IFT88: variants seen among roughly 807,000 people sequenced by gnomAD.
IFT88 encodes intraflagellar transport protein 88 homolog.
IFT88 carries 74 observed loss-of-function variants against 119.5 expected under a neutral mutation model. The observed-to-expected ratio is 0.62, with a 90% CI of 0.51 to 0.75. The LOEUF (loss-of-function observed/expected upper bound fraction) is 0.75. IFT88 is among the 30% of genes least tolerant of loss of function. The pLI is 0.00. For synonymous variants in IFT88, 279 were observed against 316.7 expected (o/e 0.88, Z 1.26); for missense variants, 961 against 977.7 (o/e 0.98, Z 0.23).
chr13:20,662,693 A>AC (rs1451803563), intron 22 of IFT88, among the ~76,000 whole-genome samples: 1 of 152,242 alleles, frequency 6.6e-6, no homozygotes, highest in African/African-American at 2.4e-5. Flanking sequence ...AGTAATTTAG[A>AC]CCACAAATGG....
chr13:20,673,985 T>A (rs2056293472), intron 24 of IFT88, among the ~76,000 whole-genome samples: 1 of 152,198 alleles, frequency 6.6e-6, no homozygotes, highest in South Asian at 2.1e-4. Context: ...GCCTTTTCGT[T>A]CCTTATTTTC....
In IFT88 at chr13:20,638,498, C is replaced by A; in HGVS notation, c.1553C>A (p.Thr518Asn). 6.8e-7 allele frequency: 1 copy of A among 1,480,266 alleles called. No homozygotes were observed. The allele number at this position is 1,480,266 out of a possible 1,614,324, so 91.7% of individuals were successfully genotyped here. A position where few individuals can be genotyped will look rare whatever the true frequency, so the allele number is the denominator to read the frequency against. The part of the protein sequence containing the change: ...KEALRNDSSC[T>N]EALYNIGLTY... Reference sequence around the variant, plus strand: ...GCTCTAAGAAATGATTCTTCTTGTACTGAAGCACTTTATAATATTGGTAAG... The same window carrying A: ...GCTCTAAGAAATGATTCTTCTTGTAATGAAGCACTTTATAATATTGGTAAG... The change falls in exon 17 of 26, where the codon ACT becomes AAT. Residue 518 changes from threonine (T) to asparagine (N), a missense_variant. Thr to Asn is a moderately conservative substitution (Grantham distance 65). Coordinates refer to ENST00000351808, the MANE Select transcript of IFT88 (RefSeq NM_006531.5).
At chr13:20,592,487 T>G in intron 7 of IFT88, 83 bp downstream of exon 7, 1 of 1,022,300 alleles carries the variant, frequency 9.8e-7, no homozygotes, top group Non-Finnish European at 1.5e-6. Context: ...TTTTTTTTTT[T>G]GAGATGATAT....
chr13:20,590,927 T>C, intron 4 of IFT88, 40 bp from the exon 5 acceptor site: 1 of 1,433,564 alleles, frequency 7.0e-7, no homozygotes, highest in South Asian at 1.2e-5. Context: ...AAGGCAGATA[T>C]TTTTAGGAAT....
At chr13:20,595,556 C>T (rs2497474) in intron 7 of IFT88, among the ~76,000 whole-genome samples, 33,718 of 151,734 alleles carry the variant, frequency 0.22, 4,423 homozygotes, top group African/African-American at 0.35. Flanking sequence ...TCCCAAAGTG[C>T]TGGGATTACA....
At chr13:20,602,206 CT>C (rs11458148) in intron 12 of IFT88, among the ~76,000 whole-genome samples, 5 of 118,184 alleles carry the variant, frequency 4.2e-5, no homozygotes, top group African/African-American at 6.4e-5. Flanking sequence ...AGCATAATAT[CT>C]TTTTTTTTTT....
intron 15 of IFT88, among the ~76,000 whole-genome samples, chr13:20,630,705 G>C (rs899548193): frequency 1.3e-5 from 2 of 152,018 alleles, no homozygotes; most frequent in African/African-American, 4.8e-5. Flanking sequence ...AGCCTTCCAA[G>C]GCTCATTATT....
Position 20,691,072 on chromosome 13 carries a change from C to T in IFT88, c.2372C>T (p.Pro791Leu). 2 of 1,613,954 alleles carry T rather than the reference C, an allele frequency of 1.2e-6. No homozygotes were observed. Among genetic ancestry groups the T allele is most frequent in the Non-Finnish European group, 1.7e-6 (2 of 1,179,920 alleles). The change falls in exon 26 of 26, where the codon CCA (proline) becomes CTA (leucine). Residue 791 changes from proline to leucine, a missense_variant. Pro to Leu is a moderately conservative substitution (Grantham distance 98). Coordinates refer to ENST00000351808, the MANE Select transcript of IFT88 (RefSeq NM_006531.5). ...AACCTAGATGCCTCCTATGTGGACC[C>T]ACTTGGCCCTCAAATAGAACGACCA... ...NKEIDASYVD[P>L]LGPQIERPKT...
rs769001020 is a variant in IFT88 at position 20,638,529 on chromosome 13, C to G, written c.1573+11C>G. 5 of 1,390,932 alleles carry G rather than the reference C, an allele frequency of 3.6e-6. No individual in the cohort carries two copies. The highest frequency in any genetic ancestry group is 4.7e-6 in the Non-Finnish European group (5 of 1,063,122). 86.2% of individuals were successfully genotyped at this position (1,390,932 alleles called of 1,614,324 possible). A position where few individuals can be genotyped will look rare whatever the true frequency, so the allele number is the denominator to read the frequency against. On this transcript the variant is annotated intron_variant, in intron 17 of 25. Transcript: ENST00000351808. ...CACTTTATAATATTGGTAAGTGAAA[C>G]AAGGGGAAATTGCTTTTTAAATTAT...
chr13:20,624,391 G>A (rs922336696), intron 14 of IFT88, among the ~76,000 whole-genome samples: 2 of 152,044 alleles, frequency 1.3e-5, no homozygotes, highest in Admixed American at 6.5e-5. Context: ...GAAGCTCCCC[G>A]AACCCTGTCC....
intron 20 of IFT88, among the ~76,000 whole-genome samples, chr13:20,649,843 T>A (rs1002919371): frequency 2.6e-5 from 4 of 152,054 alleles, no homozygotes; most frequent in African/African-American, 9.7e-5. Flanking sequence ...TAAAAAGTTA[T>A]AAGAAAACAA....
intron 20 of IFT88, among the ~76,000 whole-genome samples, chr13:20,648,709 C>T (rs560130866): frequency 6.6e-6 from 1 of 151,964 alleles, no homozygotes; most frequent in South Asian, 2.1e-4. Flanking sequence ...TTAAACTTTC[C>T]CATTAAAAGA....
In IFT88 at chr13:20,674,736, T is replaced by TG. The variant is rs1283229720; in HGVS notation, c.2242+3697_2242+3698insG. Among the ~76,000 whole-genome samples, 1,107 of 141,320 alleles carry TG rather than the reference T, an allele frequency of 7.8e-3. 30 individuals are homozygous for TG. Among genetic ancestry groups the TG allele is most frequent in the African/African-American group, 0.026 (1,006 of 38,966 alleles). 92.7% of individuals were successfully genotyped at this position (141,320 alleles called of 152,430 possible). A position where few individuals can be genotyped will look rare whatever the true frequency, so the allele number is the denominator to read the frequency against. ...TATATATATATATATTTTTTTTTTT[T>TG]TTTTTTTTTGAGACAGAGTCTTGCT... On this transcript the variant is annotated intron_variant, in intron 24 of 25. Transcript: ENST00000351808.
chr13:20,656,038 T>A (rs2052719956), intron 21 of IFT88, among the ~76,000 whole-genome samples: 1 of 149,342 alleles, frequency 6.7e-6, no homozygotes. Flanking sequence ...AGCTCAGGAG[T>A]TTATAGGCTG....
intron 17 of IFT88, among the ~76,000 whole-genome samples, chr13:20,639,733 T>G (rs1289045820): frequency 6.6e-6 from 1 of 152,128 alleles, no homozygotes; most frequent in South Asian, 2.1e-4. Context: ...TTAACTTTGT[T>G]TCTAATTTCT....
Position 20,583,012 on chromosome 13 carries a change from G to T in IFT88, c.146G>T (p.Arg49Ile). 6.2e-7 allele frequency: 1 copy of T among 1,606,852 alleles called. No homozygotes were observed. The highest frequency in any genetic ancestry group is 8.5e-7 in the Non-Finnish European group (1 of 1,176,268). ...GCTGTGAGGACTAGTCATGGCAGAA[G>T]ACCTCCAGTAAGTGAAAAAAATTTT... ...QQAVRTSHGR[R>I]PPITAKISST... is the part of the protein sequence containing the mutation. The change falls in exon 3 of 26, where the codon AGA (arginine) becomes ATA (isoleucine). Residue 49 changes from arginine (R) to isoleucine (I), a missense_variant. By Grantham distance (97) the Arg-to-Ile change is moderately conservative (BLOSUM62 -3). Coordinates refer to ENST00000351808, the MANE Select transcript of IFT88 (RefSeq NM_006531.5).
At chr13:20,602,490 C>T (rs1332026212) in intron 12 of IFT88, among the ~76,000 whole-genome samples, 2 of 152,096 alleles carry the variant, frequency 1.3e-5, no homozygotes, top group Non-Finnish European at 2.9e-5. Flanking sequence ...CAGGTATGAG[C>T]CTGGCCAAGG....
chr13:20,597,699 T>C lies in IFT88; in HGVS notation c.594+580T>C, dbSNP rs535569519. On this transcript the variant is annotated intron_variant, in intron 9 of 25. Transcript: ENST00000351808. ...GCGGAGCTTGCGGCGAGCCAAGATC[T>C]TGCCACCACACTCCAGAGCCTGGGC... Among the ~76,000 whole-genome samples, 16 of 149,668 alleles carry C rather than the reference T, an allele frequency of 1.1e-4. No homozygotes were observed. The East Asian group carries it at 1.9e-3, about 18-fold the overall frequency.
At chr13:20,678,073 A>C (rs1256195337) in intron 24 of IFT88, among the ~76,000 whole-genome samples, 1 of 152,246 alleles carries the variant, frequency 6.6e-6, no homozygotes, top group African/African-American at 2.4e-5. Flanking sequence ...CAACTAAGAT[A>C]GTTTTGATAG....
Sources: gnomAD v4.1 joint callset for allele counts (sites outside exome capture counted in the v4.1 genomes callset) on GRCh38, gnomAD v4.1.1 for gene constraint, MANE v1.5 for transcripts, NCBI Gene and HGNC (gene_info 2026-07-23, HGNC 2026-07-21) for gene names.